The following COX11 variants were observed in gnomAD, a reference collection of about 807,000 sequenced individuals.
The protein encoded by COX11 is cytochrome c oxidase assembly protein COX11, mitochondrial.
Under a neutral mutation model 29.4 loss-of-function variants are expected in COX11, and 18 were observed. The ratio of observed to expected loss-of-function variants is 0.61; its 90% confidence interval spans 0.42 to 0.91. The LOEUF is 0.91. Among genes scored for constraint, COX11 ranks in the 40% least tolerant of loss-of-function variants. The pLI is 0.00. For synonymous variants in COX11, 131 were observed against 124.0 expected (o/e 1.06, Z -0.38); for missense variants, 312 against 346.0 (o/e 0.90, Z 0.78).
chr17:54,962,831 C>T lies in COX11; in HGVS notation c.733G>A (p.Glu245Lys). The T allele has an allele frequency of 6.2e-7, 1 of 1,613,132 alleles. No homozygotes were observed. Among genetic ancestry groups the T allele is most frequent in the East Asian group, 2.2e-5 (1 of 44,760 alleles). ...TCAACTTTAATCATTCTTGGATCTTCAGCAAATTCAGGATCAATGTAGAAA... is the reference window on the plus strand; with the variant it reads ...TCAACTTTAATCATTCTTGGATCTTTAGCAAATTCAGGATCAATGTAGAAA... ...VFFYIDPEFA[E>K]DPRMIKVDLI... Residue 245 changes from glutamate (E) to lysine (K), a missense_variant, in exon 4 of 4, where the codon GAA becomes AAA. Physicochemically the swap from Glu to Lys is moderately conservative, Grantham distance 56 (BLOSUM62 1). This residue lies in a region of COX11 where 182 missense variants were observed against 240.0 expected (regional missense o/e 0.76). Coordinates refer to ENST00000299335, the MANE Select transcript of COX11 (RefSeq NM_004375.5).
upstream of COX11, chr17:54,968,711 C>A (rs17209882): frequency 7.2e-6 from 11 of 1,533,972 alleles, no homozygotes; most frequent in Middle Eastern, 1.7e-4. Context: ...GAGGCGTGCT[C>A]CGTCTCGCGA....
In COX11 at chr17:54,960,626, AG is replaced by A; in HGVS notation, c.*2106del. On this transcript the variant is annotated 3_prime_UTR_variant, in exon 4 of 4. Coordinates refer to ENST00000299335, the MANE Select transcript of COX11 (RefSeq NM_004375.5). The stretch of plus-strand genomic sequence containing the variant: ...AAGGAGCTCAAAATGATGGTGACTG[AG>A]GTAAAGACTTCAACTTATACAACTT... The A allele has an allele frequency of 6.2e-7, 1 of 1,604,504 alleles. No homozygotes were observed. Among genetic ancestry groups the A allele is most frequent in the Non-Finnish European group, 8.5e-7 (1 of 1,171,852 alleles).
chr17:54,961,389 A>G lies in COX11; in HGVS notation c.*1344T>C. 1 of 1,548,188 alleles carries G rather than the reference A, an allele frequency of 6.5e-7. No individual in the cohort carries two copies. Among genetic ancestry groups the G allele is most frequent in the Non-Finnish European group, 8.7e-7 (1 of 1,145,668 alleles). On this transcript the variant is annotated 3_prime_UTR_variant, in exon 4 of 4. Transcript: ENST00000299335. ...TATAATGAAGATTAAATAGAATAAC[A>G]GTTCCAGGATAACACTGATTCCTGA...
At chr17:54,966,086 A>G (rs150128768) in intron 1 of COX11, among the ~76,000 whole-genome samples, 136 of 152,368 alleles carry the variant, frequency 8.9e-4, no homozygotes, top group Middle Eastern at 3.4e-3. Flanking sequence ...AAGATGCATC[A>G]GAGGGCAAGC....
At position 54,963,428 on chromosome 17, in the gene COX11, C is replaced by A; in HGVS notation, c.526G>T (p.Val176Leu). 1.9e-6 allele frequency: 3 copies of A among 1,607,198 alleles called. No individual in the cohort carries two copies. The highest frequency in any genetic ancestry group is 2.5e-6 in the Non-Finnish European group (3 of 1,177,956). ...FRPQQTEIYVVPGETALAFYR... is the reference protein window; with the variant it reads ...FRPQQTEIYVLPGETALAFYR... ...AACGCCAGTGCAGTCTCTCCTGGCA[C>A]CACCTGTTTTAAAGAATATATATAT... The change falls in exon 3 of 4, where the codon GTG becomes TTG. Residue 176 changes from valine (V) to leucine (L), a missense_variant. Val to Leu is a conservative substitution (Grantham distance 32). Transcript: ENST00000299335.
chr17:54,961,908 T>G lies in COX11; in HGVS notation c.*825A>C, dbSNP rs1248831760. 1.1e-6 allele frequency: 1 copy of G among 905,036 alleles called. No individual in the cohort carries two copies. The highest frequency in any genetic ancestry group is 1.3e-6 in the Non-Finnish European group (1 of 756,474). The allele number at this position is 905,036 out of a possible 1,614,324, so 56.1% of individuals were successfully genotyped here. On this transcript the variant is annotated 3_prime_UTR_variant, in exon 4 of 4. Coordinates refer to ENST00000299335, the MANE Select transcript of COX11 (RefSeq NM_004375.5). ...ATTTAGAACACAGAAAATGAAAATA[T>G]TTAGAATAAGTTGTACATTTGATGA...
chr17:54,967,668 G>A (rs1477666176), intron 1 of COX11, among the ~76,000 whole-genome samples: 2 of 140,708 alleles, frequency 1.4e-5, no homozygotes, highest in Non-Finnish European at 3.0e-5. Context: ...CAGGTTCCCG[G>A]GTGATGCTGA....
Position 54,968,385 on chromosome 17 carries a change from G to GCTC in COX11, c.259_261dup (p.Glu87dup). 6.2e-7 allele frequency: 1 copy of GCTC among 1,613,142 alleles called. No homozygotes were observed. The highest frequency in any genetic ancestry group is 8.5e-7 in the Non-Finnish European group (1 of 1,179,942). On this transcript the variant is annotated inframe_insertion, in exon 1 of 4. Coordinates refer to ENST00000299335, the MANE Select transcript of COX11 (RefSeq NM_004375.5). Reference sequence around the variant, plus strand: ...AGGGTCGTCTTGTTCTGCCGCCGCCGCTCCTCCTCCTGCGCGCGTGTGAAA... The same window carrying GCTC: ...AGGGTCGTCTTGTTCTGCCGCCGCCGCTCCTCCTCCTCCTGCGCGCGTGTGAAA...
chr17:54,952,654 A>G (rs1187607745), exon 1 of COX11: 1 of 151,578 alleles, frequency 6.6e-6, no homozygotes. Flanking sequence ...TGAGGTATTT[A>G]TTCAGGTACA....
chr17:54,964,813 A>T lies in COX11; in HGVS notation c.406T>A (p.Ser136Thr). The T allele has an allele frequency of 6.2e-7, 1 of 1,613,396 alleles. No homozygotes were observed. The highest frequency in any genetic ancestry group is 8.5e-7 in the Non-Finnish European group (1 of 1,179,960). The change falls in exon 2 of 4, where the codon TCA (serine) becomes ACA (threonine). Residue 136 changes from serine to threonine, a missense_variant. Ser to Thr is a moderately conservative substitution (Grantham distance 58, BLOSUM62 1). Around this residue, in one of 2 missense-constraint regions of COX11, gnomAD observed 182 missense variants for 240.0 expected, o/e 0.76. Transcript: ENST00000299335. ...GGCACCATGTTTTCAATCTTGTCTGAGGCATGACCTGCAACTGCTGATCCT... is the reference window on the plus strand; with the variant it reads ...GGCACCATGTTTTCAATCTTGTCTGTGGCATGACCTGCAACTGCTGATCCT... ...LGGSAVAGHA[S>T]DKIENMVPVK...
chr17:54,968,629 A>T lies in COX11; in HGVS notation c.18T>A (p.Arg6=). ...AGAAAGGAACGCACCTCCATCCAGG[A>T]CGCCAGAGCCCTCCCATAACCCTCT... The part of the protein sequence containing the change: MGGLW[R]PGWRCVPFCG... Residue 6 remains arginine, a synonymous_variant, in exon 1 of 4, where the codon CGT becomes CGA. Transcript: ENST00000299335. 1.2e-6 allele frequency: 2 copies of T among 1,612,582 alleles called. No individual in the cohort carries two copies. The highest frequency in any genetic ancestry group is 2.2e-5 in the South Asian group (2 of 91,076).
Position 54,963,367 on chromosome 17 carries a change from A to G in COX11, c.587T>C (p.Ile196Thr). Residue 196 changes from isoleucine (I) to threonine (T), a missense_variant, in exon 3 of 4, where the codon ATT (isoleucine) becomes ACT (threonine). Around this residue, in one of 2 missense-constraint regions of COX11, gnomAD observed 182 missense variants for 240.0 expected, o/e 0.76. Coordinates refer to ENST00000299335, the MANE Select transcript of COX11 (RefSeq NM_004375.5). ...AACAATATTGTATGTAGAAATTCCA[A>G]TTACTGGTTTGTCAGTAGGATTCTT... Reference protein sequence around the residue: ...RAKNPTDKPVIGISTYNIVPF... With the variant: ...RAKNPTDKPVTGISTYNIVPF... 1.2e-6 allele frequency: 2 copies of G among 1,612,526 alleles called. No homozygotes were observed. Among genetic ancestry groups the G allele is most frequent in the East Asian group, 2.2e-5 (1 of 44,788 alleles).
Position 54,962,296 on chromosome 17 carries a change from A to G in COX11, c.*437T>C. The stretch of plus-strand genomic sequence containing the variant: ...TTCATAATGAAGGAAAATAGCAACC[A>G]ACTCTTTTAGACACAATAAACATGG... On this transcript the variant is annotated 3_prime_UTR_variant, in exon 4 of 4. Coordinates refer to ENST00000299335, the MANE Select transcript of COX11 (RefSeq NM_004375.5). 3.0e-6 allele frequency: 3 copies of G among 985,700 alleles called. No homozygotes were observed. The highest frequency in any genetic ancestry group is 9.4e-5 in the South Asian group (2 of 21,310). 61.1% of individuals were successfully genotyped at this position (985,700 alleles called of 1,614,324 possible). A position where few individuals can be genotyped will look rare whatever the true frequency, so the allele number is the denominator to read the frequency against.
In COX11 at chr17:54,967,996, C is replaced by CTTTTTTT. The variant is rs66732337; in HGVS notation, c.366+278_366+284dup. Among the ~76,000 whole-genome samples the CTTTTTTT allele has an allele frequency of 1.1e-4, 14 of 124,502 alleles. 2 individuals are homozygous for CTTTTTTT. The highest frequency in any genetic ancestry group is 2.6e-4 in the South Asian group (1 of 3,870). The allele number at this position is 124,502 out of a possible 152,430, so 81.7% of individuals were successfully genotyped here. On this transcript the variant is annotated intron_variant, in intron 1 of 3. Transcript: ENST00000299335. ...AGATACCCGGTTAGAGGCTGCGGAC[C>CTTTTTTT]TTTTTTTTTTTTTTTGGCGAGGTGC...
At chr17:54,952,810 T>C (rs1270829092) in exon 1 of COX11, 1 of 152,268 alleles carries the variant, frequency 6.6e-6, no homozygotes, top group Non-Finnish European at 1.5e-5. Flanking sequence ...AGGGCCAGCA[T>C]GGCAGTGCCA....
chr17:54,968,394 C>T lies in COX11; in HGVS notation c.253G>A (p.Glu85Lys), dbSNP rs767291084. 11 of 1,613,422 alleles carry T rather than the reference C, an allele frequency of 6.8e-6. No individual in the cohort carries two copies. Among genetic ancestry groups the T allele is most frequent in the Middle Eastern group, 1.6e-4 (1 of 6,062 alleles). The change falls in exon 1 of 4, where the codon GAG becomes AAG. Residue 85 changes from glutamate to lysine, a missense_variant. This residue lies in a region of COX11 where 182 missense variants were observed against 240.0 expected (regional missense o/e 0.76). Transcript: ENST00000299335. ...KSSNPFTRAQ[E>K]EERRRQNKTT... ...TTGTTCTGCCGCCGCCGCTCCTCCT[C>T]CTGCGCGCGTGTGAAAGGGTTCGAG...
intron 1 of COX11, among the ~76,000 whole-genome samples, chr17:54,966,626 T>C (rs1170838921): frequency 6.6e-6 from 1 of 152,188 alleles, no homozygotes; most frequent in Non-Finnish European, 1.5e-5. Context: ...CGCTAAATGT[T>C]CCCTGAGGGG....
chr17:54,962,887 T>C lies in COX11; in HGVS notation c.677A>G (p.Asn226Ser), dbSNP rs764408289. The change falls in exon 4 of 4, where the codon AAT becomes AGT. Residue 226 changes from asparagine (N) to serine (S), a missense_variant. Asn to Ser is a conservative substitution (Grantham distance 46). Around this residue, in one of 2 missense-constraint regions of COX11, gnomAD observed 182 missense variants for 240.0 expected, o/e 0.76. Coordinates refer to ENST00000299335, the MANE Select transcript of COX11 (RefSeq NM_004375.5). ...QCFCFEEQRL[N>S]PQEEVDMPVF... ...TGGCATATCTACTTCCTCTTGGGGA[T>C]TAAGCCTTTGTTCTTCAAAACAGAA... The C allele has an allele frequency of 1.2e-6, 2 of 1,611,844 alleles. No homozygotes were observed. Among genetic ancestry groups the C allele is most frequent in the South Asian group, 2.2e-5 (2 of 90,374 alleles).
At position 54,960,604 on chromosome 17, in the gene COX11, G is replaced by A. The variant is rs1164588105; in HGVS notation, c.*2129C>T. 8 of 1,612,942 alleles carry A rather than the reference G, an allele frequency of 5.0e-6. No individual in the cohort carries two copies. The highest frequency in any genetic ancestry group is 6.8e-6 in the Non-Finnish European group (8 of 1,179,428). Reference sequence around the variant, plus strand: ...GAAATTGATGCTCACCAGCACAAAGGAGCTCAAAATGATGGTGACTGAGGT... The same window carrying A: ...GAAATTGATGCTCACCAGCACAAAGAAGCTCAAAATGATGGTGACTGAGGT... On this transcript the variant is annotated 3_prime_UTR_variant, in exon 4 of 4. Coordinates refer to ENST00000299335, the MANE Select transcript of COX11 (RefSeq NM_004375.5).
Sources: allele counts gnomAD v4.1 joint callset (sites outside exome capture counted in the v4.1 genomes callset), GRCh38; gene constraint gnomAD v4.1.1; regional missense constraint gnomAD v4.1.1; transcripts MANE v1.5; gene names NCBI Gene and HGNC (gene_info 2026-07-23, HGNC 2026-07-21).